Variants in CPQ observed in about 807,000 individuals in gnomAD.
CPQ encodes Ser-Met dipeptidase.
In CPQ, 37 loss-of-function variants were observed where a neutral mutation model predicts 45.7. The observed-to-expected ratio is 0.81, with a 90% CI of 0.62 to 1.07. CPQ has a LOEUF of 1.07. Among genes scored for constraint, CPQ ranks in the 50% least tolerant of loss-of-function variants. The pLI is 0.00. For synonymous variants in CPQ, 186 were observed against 205.8 expected (o/e 0.90, Z 0.82); for missense variants, 537 against 572.9 (o/e 0.94, Z 0.64).
Position 96,725,088 on chromosome 8 carries a change from G to T in CPQ, c.-34-59776G>T, listed in dbSNP as rs187725553. Reference sequence around the variant, plus strand: ...CCACATACAAAAATTAACCAAAAATGGATTAAAGACTTAAATATAAGGCCT... The same window carrying T: ...CCACATACAAAAATTAACCAAAAATTGATTAAAGACTTAAATATAAGGCCT... On this transcript the variant is annotated intron_variant, in intron 1 of 7. Coordinates refer to ENST00000220763, the MANE Select transcript of CPQ (RefSeq NM_016134.4). Among the ~76,000 whole-genome samples, 4 of 152,206 alleles carry T rather than the reference G, an allele frequency of 2.6e-5. No homozygotes were observed. The East Asian group carries it at 7.7e-4, about 29-fold the overall frequency.
chr8:96,951,050 A>G (rs1253645227), intron 4 of CPQ, among the ~76,000 whole-genome samples: 1 of 152,156 alleles, frequency 6.6e-6, no homozygotes, highest in Non-Finnish European at 1.5e-5. Context: ...AAATTCATAA[A>G]TTGTTATAGA....
At chr8:97,019,061 G>A (rs1809629768) in intron 5 of CPQ, among the ~76,000 whole-genome samples, 2 of 152,158 alleles carry the variant, frequency 1.3e-5, no homozygotes, top group African/African-American at 4.8e-5. Flanking sequence ...AGCTAGAAGG[G>A]ATTGGGGCCC....
chr8:96,819,859 T>G lies in CPQ; in HGVS notation c.434-15114T>G, dbSNP rs79463851. On this transcript the variant is annotated intron_variant, in intron 2 of 7. Transcript: ENST00000220763. ...GCCATGTTTCATCTCCTGTTACAGT[T>G]ATTTAAAGAAATGCTATAGAATCTT... Among the ~76,000 whole-genome samples, 23 of 152,178 alleles carry G rather than the reference T, an allele frequency of 1.5e-4. No homozygotes were observed. In the East Asian group the frequency reaches 3.9e-3, roughly 26 times the overall value.
At chr8:97,040,507 T>A (rs1810099460) in intron 6 of CPQ, among the ~76,000 whole-genome samples, 1 of 152,228 alleles carries the variant, frequency 6.6e-6, no homozygotes, top group Non-Finnish European at 1.5e-5. Flanking sequence ...ATTTGTCAAT[T>A]TTGGCTTTTG....
At chr8:97,114,589 A>G (rs13269598) in intron 7 of CPQ, among the ~76,000 whole-genome samples, 2 of 152,176 alleles carry the variant, frequency 1.3e-5, no homozygotes, top group African/African-American at 4.8e-5. Context: ...CTTCATATCA[A>G]GTATATATCA....
At chr8:97,001,165 T>A (rs1201106802) in intron 5 of CPQ, among the ~76,000 whole-genome samples, 1 of 152,140 alleles carries the variant, frequency 6.6e-6, no homozygotes, top group Non-Finnish European at 1.5e-5. Context: ...TTTCTAGATA[T>A]AGGATCACGT....
At chr8:96,914,168 C>T (rs1033591609) in intron 4 of CPQ, among the ~76,000 whole-genome samples, 24 of 152,116 alleles carry the variant, frequency 1.6e-4, no homozygotes, top group African/African-American at 5.1e-4. Context: ...CCTGTCTTTG[C>T]GTATGAAGTT....
chr8:96,797,725 C>T lies in CPQ; in HGVS notation c.433+12395C>T, dbSNP rs191501568. Among the ~76,000 whole-genome samples, 1,064 of 151,694 alleles carry T rather than the reference C, an allele frequency of 7.0e-3. 17 individuals carry two copies. Among genetic ancestry groups the T allele is most frequent in the African/African-American group, 0.025 (1,029 of 41,340 alleles). On this transcript the variant is annotated intron_variant, in intron 2 of 7. Coordinates refer to ENST00000220763, the MANE Select transcript of CPQ (RefSeq NM_016134.4). ...TGAGGTTAGGAGTTTGAGACCAGCC[C>T]GAGCAACGTAGTGAAACTCCCTCAC... is the stretch of plus-strand genomic sequence containing the variant.
chr8:96,810,908 A>G (rs774495586), intron 2 of CPQ, among the ~76,000 whole-genome samples: 65 of 152,218 alleles, frequency 4.3e-4, no homozygotes, highest in Non-Finnish European at 4.3e-4. Context: ...AGTTCATTGC[A>G]TCTAGAAATG....
At chr8:96,700,563 G>T (rs1809444614) in intron 1 of CPQ, among the ~76,000 whole-genome samples, 1 of 151,698 alleles carries the variant, frequency 6.6e-6, no homozygotes, top group Middle Eastern at 3.4e-3. Context: ...TAAACTGCAT[G>T]CACCTTCTGG....
At chr8:96,698,259 C>T (rs1434704131) in intron 1 of CPQ, among the ~76,000 whole-genome samples, 6 of 152,032 alleles carry the variant, frequency 3.9e-5, no homozygotes, top group Non-Finnish European at 5.9e-5. Context: ...AGAACAGTCT[C>T]TTCAATAAGT....
chr8:97,009,422 G>A (rs1420001061), intron 5 of CPQ, among the ~76,000 whole-genome samples: 1 of 152,202 alleles, frequency 6.6e-6, no homozygotes. Context: ...GGCCTAAAGA[G>A]TGAGTGTGGT....
At chr8:96,727,637 C>T (rs940511972) in intron 1 of CPQ, among the ~76,000 whole-genome samples, 10 of 152,216 alleles carry the variant, frequency 6.6e-5, no homozygotes, top group African/African-American at 1.2e-4. Context: ...TTCCAGATTC[C>T]GGATTTTTTT....
At chr8:96,842,923 A>G (rs1259202139) in intron 3 of CPQ, among the ~76,000 whole-genome samples, 1 of 151,820 alleles carries the variant, frequency 6.6e-6, no homozygotes, top group Non-Finnish European at 1.5e-5. Flanking sequence ...TGTTTTTCTG[A>G]GGCAGAGTTT....
chr8:96,877,553 A>G lies in CPQ; in HGVS notation c.642-2245A>G, dbSNP rs1182528819. Reference sequence around the variant, plus strand: ...TTGTCTTCCTACATGTTGCAAGGTAATTTTTGGTCATTAATCACTCCACTA... The same window carrying G: ...TTGTCTTCCTACATGTTGCAAGGTAGTTTTTGGTCATTAATCACTCCACTA... On this transcript the variant is annotated intron_variant, in intron 3 of 7. Coordinates refer to ENST00000220763, the MANE Select transcript of CPQ (RefSeq NM_016134.4). Among the ~76,000 whole-genome samples the G allele has an allele frequency of 3.3e-5, 5 of 152,232 alleles. No individual in the cohort carries two copies. The East Asian group carries it at 9.6e-4, about 29-fold the overall frequency.
intron 1 of CPQ, among the ~76,000 whole-genome samples, chr8:96,712,488 C>T (rs1316053265): frequency 1.3e-5 from 2 of 152,202 alleles, no homozygotes; most frequent in Non-Finnish European, 2.9e-5. Context: ...TCCATACATC[C>T]TCTGAAATCT....
At chr8:96,915,157 C>G (rs1812715641) in intron 4 of CPQ, among the ~76,000 whole-genome samples, 2 of 152,170 alleles carry the variant, frequency 1.3e-5, no homozygotes, top group African/African-American at 2.4e-5. Flanking sequence ...CCAATGATAA[C>G]TGATTCCTAC....
At chr8:96,678,107 A>T (rs1375252018) in intron 1 of CPQ, among the ~76,000 whole-genome samples, 1 of 152,048 alleles carries the variant, frequency 6.6e-6, no homozygotes, top group East Asian at 1.9e-4. Flanking sequence ...GGGTAATGGG[A>T]TGCTTCCAGA....
chr8:97,033,986 T>C (rs1809953224), intron 6 of CPQ, among the ~76,000 whole-genome samples: 1 of 152,196 alleles, frequency 6.6e-6, no homozygotes, highest in Admixed American at 6.5e-5. Context: ...TGTAGTTGGA[T>C]TAAAAGCTAC....
Sources: gnomAD v4.1 joint callset for allele counts (sites outside exome capture counted in the v4.1 genomes callset) on GRCh38, gnomAD v4.1.1 for gene constraint, MANE v1.5 for transcripts, NCBI Gene and HGNC (gene_info 2026-07-23, HGNC 2026-07-21) for gene names.